TFB1M: variants seen among roughly 807,000 people sequenced by gnomAD.
TFB1M encodes the protein transcription factor B1, mitochondrial.
A neutral mutation model predicts 31.1 loss-of-function variants in TFB1M; 27 were observed. That is an observed-to-expected ratio of 0.87 (90% CI 0.64 to 1.20). The LOEUF (loss-of-function observed/expected upper bound fraction) is 1.20, where lower values mean the gene tolerates loss of function less well. Among genes scored for constraint, TFB1M ranks in the 50% most tolerant of loss-of-function variants. The pLI, the probability that TFB1M is intolerant of heterozygous loss-of-function variation, is 0.00. For missense variants in TFB1M, 394 were observed against 418.7 expected, an observed-to-expected ratio of 0.94 and a Z score of 0.51; for synonymous variants, 166 against 151.8, an observed-to-expected ratio of 1.09 and a Z score of -0.69.
At chr6:155,260,191 G>C in intron 6 of TFB1M, 82 bp downstream of exon 6, 2 of 1,452,804 alleles carry the variant, frequency 1.4e-6, no homozygotes, top group Non-Finnish European at 1.9e-6. Flanking sequence ...TTTAAGAATA[G>C]AGCAAACAAG....
At position 155,265,389 on chromosome 6, in the gene TFB1M, A is replaced by T. The variant is rs902274547; in HGVS notation, c.667-4989T>A. ...TGAGAAATAGAACATGCATACAAAT[A>T]TAGTAATTCATAATAAACCATAATT... On this transcript the variant is annotated intron_variant, in intron 5 of 6. Coordinates refer to ENST00000367166, the MANE Select transcript of TFB1M (RefSeq NM_016020.4). Among the ~76,000 whole-genome samples the T allele has an allele frequency of 1.3e-5, 2 of 152,198 alleles. 1 individual carries two copies. Among genetic ancestry groups the T allele is most frequent in the East Asian group, 3.8e-4 (2 of 5,200 alleles).
chr6:155,280,862 C>G (rs1785465647), intron 5 of TFB1M, among the ~76,000 whole-genome samples: 1 of 152,180 alleles, frequency 6.6e-6, no homozygotes, highest in Non-Finnish European at 1.5e-5. Context: ...TTGGAAGCCT[C>G]TAAAACGCTC....
intron 5 of TFB1M, among the ~76,000 whole-genome samples, chr6:155,271,867 G>A (rs67421405): frequency 0.078 from 11,917 of 152,182 alleles, 576 homozygotes; most frequent in Non-Finnish European, 0.099. Context: ...TGACACAAAA[G>A]CATTTTTAGC....
the TFB1M span, chr6:155,250,738 T>C: frequency 1.8e-6 from 2 of 1,139,972 alleles, no homozygotes; most frequent in Non-Finnish European, 2.5e-6. Flanking sequence ...ACTTGGGTGC[T>C]TAACTCATAT....
Position 155,276,361 on chromosome 6 carries a change from T to C in TFB1M, c.666+8797A>G, listed in dbSNP as rs1291404768. ...AGCTCGAGAACAATTCCACACACAA[T>C]CTGAAGGATTATGTGTAAATAACTG... On this transcript the variant is annotated intron_variant, in intron 5 of 6. Transcript: ENST00000367166. 6 of 1,612,818 alleles carry C rather than the reference T, an allele frequency of 3.7e-6. No individual in the cohort carries two copies. The Admixed American group carries it at 8.3e-5, about 22-fold the overall frequency.
intron 5 of TFB1M, among the ~76,000 whole-genome samples, chr6:155,261,445 A>C (rs1784388722): frequency 6.6e-6 from 1 of 152,232 alleles, no homozygotes; most frequent in Non-Finnish European, 1.5e-5. Context: ...CTTGCTTCTA[A>C]AGATCCTTGT....
At chr6:155,246,615 C>T in the TFB1M span, among the ~76,000 whole-genome samples, 1 of 152,214 alleles carries the variant, frequency 6.6e-6, no homozygotes, top group South Asian at 2.1e-4. Context: ...GGATTATAGG[C>T]ATGAGCCACC....
intron 2 of TFB1M, chr6:155,299,390 T>G (rs531913794): frequency 6.6e-6 from 1 of 152,320 alleles, no homozygotes; most frequent in East Asian, 1.9e-4. Flanking sequence ...TCAAAAAACT[T>G]TATAGCTAAG....
chr6:155,259,559 T>A (rs1583305450), intron 6 of TFB1M, among the ~76,000 whole-genome samples: 1 of 152,268 alleles, frequency 6.6e-6, no homozygotes, highest in Admixed American at 6.5e-5. Flanking sequence ...GAGGAGGTTT[T>A]AGAAAATGAG....
At chr6:155,294,104 C>T (rs902394081) in intron 4 of TFB1M, among the ~76,000 whole-genome samples, 1 of 152,078 alleles carries the variant, frequency 6.6e-6, no homozygotes, top group Non-Finnish European at 1.5e-5. Flanking sequence ...CAGGGATCAA[C>T]GAGGGCTGAC....
At chr6:155,314,119 C>A in intron 1 of TFB1M, 177 bp downstream of exon 1, 1 of 1,492,560 alleles carries the variant, frequency 6.7e-7, no homozygotes, top group Admixed American at 2.1e-5. Context: ...CAACGCACTT[C>A]ACGTGTCTCC....
chr6:155,287,206 A>G (rs1562408559), intron 4 of TFB1M, among the ~76,000 whole-genome samples: 1 of 152,150 alleles, frequency 6.6e-6, no homozygotes, highest in Non-Finnish European at 1.5e-5. Flanking sequence ...AAATCTGTAC[A>G]AGCATTTGTA....
At chr6:155,258,221 T>C in intron 6 of TFB1M, 139 bp from the exon 7 acceptor site, 1 of 1,061,856 alleles carries the variant, frequency 9.4e-7, no homozygotes, top group Non-Finnish European at 1.4e-6. Flanking sequence ...AGGAGCCTCT[T>C]GGATTATATA....
chr6:155,251,167 A>G (rs1783633847), downstream of TFB1M: 13 of 665,156 alleles, frequency 2.0e-5, no homozygotes, highest in East Asian at 1.1e-4. Context: ...CCAGCCCCCA[A>G]CTATTTGAAA....
chr6:155,254,057 G>A (rs376499203), downstream of TFB1M: 5 of 1,613,908 alleles, frequency 3.1e-6, no homozygotes, highest in Non-Finnish European at 4.2e-6. Context: ...CAGTTGTGTT[G>A]CAGGTATGAC....
At chr6:155,304,127 A>G (rs1777558194) in intron 2 of TFB1M, among the ~76,000 whole-genome samples, 1 of 152,060 alleles carries the variant, frequency 6.6e-6, no homozygotes, top group Non-Finnish European at 1.5e-5. Context: ...TTAAAAATAC[A>G]AAAAATTAGC....
At chr6:155,309,491 G>C (rs1424709813) in intron 2 of TFB1M, among the ~76,000 whole-genome samples, 1 of 152,158 alleles carries the variant, frequency 6.6e-6, no homozygotes, top group Non-Finnish European at 1.5e-5. Flanking sequence ...TGGGTTTGGG[G>C]GAAACTGAGA....
At chr6:155,244,033 T>C in the TFB1M span, 1 of 1,614,118 alleles carries the variant, frequency 6.2e-7, no homozygotes, top group Non-Finnish European at 8.5e-7. Context: ...CTCTTTGAAT[T>C]ATACTTGGAG....
rs115314464 is a variant in TFB1M at position 155,275,349 on chromosome 6, T to C, written c.666+9809A>G. Among the ~76,000 whole-genome samples, 726 of 152,360 alleles carry C rather than the reference T, an allele frequency of 4.8e-3. 8 individuals are homozygous for C. Among genetic ancestry groups the C allele is most frequent in the African/African-American group, 0.017 (706 of 41,588 alleles). ...CTCCTAACAACGTACATGTCCACGCTACAGTTTCAGCATATGTTGAGTTTT... is the reference window on the plus strand; with the variant it reads ...CTCCTAACAACGTACATGTCCACGCCACAGTTTCAGCATATGTTGAGTTTT... On this transcript the variant is annotated intron_variant, in intron 5 of 6. Transcript: ENST00000367166.
Sources: allele counts gnomAD v4.1 joint callset (sites outside exome capture counted in the v4.1 genomes callset), GRCh38; gene constraint gnomAD v4.1.1; transcripts MANE v1.5; gene names NCBI Gene and HGNC (gene_info 2026-07-23, HGNC 2026-07-21).